SLC35F3: variants seen among roughly 807,000 people sequenced by gnomAD.
The protein encoded by SLC35F3 is solute carrier family 35 member F3.
A neutral mutation model predicts 49.9 loss-of-function variants in SLC35F3; 25 were observed. The ratio of observed to expected loss-of-function variants is 0.50; its 90% CI spans 0.37 to 0.70. SLC35F3 has a LOEUF of 0.70. Ranked by LOEUF, SLC35F3 falls within the 30% of genes least tolerant of loss-of-function variation. The probability of loss-of-function intolerance (pLI) is 0.00; values close to 1 mark genes in which losing one functional copy is unlikely to be tolerated. For missense variants in SLC35F3, 525 were observed against 639.8 expected (o/e 0.82, Z 1.94); for synonymous variants, 275 against 265.4 (o/e 1.04, Z -0.35).
intron 2 of SLC35F3, among the ~76,000 whole-genome samples, chr1:233,971,773 C>G (rs947477774): frequency 6.6e-6 from 1 of 150,916 alleles, no homozygotes; most frequent in Non-Finnish European, 1.5e-5. Flanking sequence ...TTGTGGTCAA[C>G]AATGGGACCA....
chr1:233,991,774 A>T (rs2102827527), intron 2 of SLC35F3, among the ~76,000 whole-genome samples: 1 of 152,272 alleles, frequency 6.6e-6, no homozygotes, highest in East Asian at 1.9e-4. Flanking sequence ...TAGAGGACTA[A>T]GTTTTGCCTC....
intron 2 of SLC35F3, among the ~76,000 whole-genome samples, chr1:234,226,644 TG>T (rs1309036349): frequency 6.6e-6 from 1 of 151,948 alleles, no homozygotes; most frequent in Non-Finnish European, 1.5e-5. Context: ...GGTACCCGAA[TG>T]AGTTGGTAGC....
intron 2 of SLC35F3, among the ~76,000 whole-genome samples, chr1:234,228,365 C>A (rs1158626257): frequency 6.6e-6 from 1 of 152,218 alleles, no homozygotes; most frequent in Non-Finnish European, 1.5e-5. Flanking sequence ...CTGCAGAATT[C>A]CTGTTATATA....
intron 3 of SLC35F3, among the ~76,000 whole-genome samples, chr1:234,247,100 A>G (rs512025): frequency 6.6e-6 from 1 of 152,066 alleles, no homozygotes; most frequent in Admixed American, 6.5e-5. Flanking sequence ...CTTGAGCACC[A>G]GCAATGGTGT....
At chr1:234,015,347 CAAA>C (rs34202675) in intron 2 of SLC35F3, among the ~76,000 whole-genome samples, 2 of 132,338 alleles carry the variant, frequency 1.5e-5, no homozygotes, top group Admixed American at 7.5e-5. Flanking sequence ...GACTCTATAT[CAAA>C]AAAAAAAAAA....
At chr1:234,257,919 C>T (rs936968768) in intron 3 of SLC35F3, among the ~76,000 whole-genome samples, 1 of 152,090 alleles carries the variant, frequency 6.6e-6, no homozygotes, top group African/African-American at 2.4e-5. Context: ...GTATAAATGT[C>T]CAGTGTAGGT....
At chr1:234,321,316 A>T (rs544603431) in intron 7 of SLC35F3, among the ~76,000 whole-genome samples, 18 of 152,284 alleles carry the variant, frequency 1.2e-4, no homozygotes, top group Non-Finnish European at 2.5e-4. Flanking sequence ...TGGTCCCAAC[A>T]TATCTGCTCT....
chr1:234,267,439 T>A (rs1668003704), intron 3 of SLC35F3, among the ~76,000 whole-genome samples: 2 of 142,152 alleles, frequency 1.4e-5, no homozygotes, highest in African/African-American at 5.2e-5. Context: ...GGCTCCTCAC[T>A]TCCCAGTAGG....
chr1:234,011,178 ATTAT>A (rs1458388511), intron 2 of SLC35F3, among the ~76,000 whole-genome samples: 4 of 152,212 alleles, frequency 2.6e-5, no homozygotes, highest in South Asian at 4.1e-4. Flanking sequence ...AAGTAAGATA[ATTAT>A]TTATCAAATT....
intron 2 of SLC35F3, among the ~76,000 whole-genome samples, chr1:233,909,124 T>C (rs1346367869): frequency 6.6e-6 from 1 of 152,208 alleles, no homozygotes. Context: ...CCCAAAGTAA[T>C]GGGATTACAG....
chr1:234,019,329 AACAGGG>A lies in SLC35F3; in HGVS notation c.283+113572_283+113577del, dbSNP rs374046489. ...TTCTCCAGAAAACAGTAACAAAACC[AACAGGG>A]TGTGTATGTGCATGTATATGTGTGT... On this transcript the variant is annotated intron_variant, in intron 2 of 7. Coordinates refer to ENST00000366618, the MANE Select transcript of SLC35F3 (RefSeq NM_173508.4). Among the ~76,000 whole-genome samples, 12 of 152,148 alleles carry A rather than the reference AACAGGG, an allele frequency of 7.9e-5. No homozygotes were observed. In the East Asian group the frequency reaches 2.1e-3, roughly 27 times the overall value.
chr1:233,974,290 T>G (rs1237630561), intron 2 of SLC35F3, among the ~76,000 whole-genome samples: 3 of 145,576 alleles, frequency 2.1e-5, no homozygotes, highest in Non-Finnish European at 4.5e-5. Flanking sequence ...GTTCAAGCAA[T>G]TCTCCTTCCT....
chr1:234,058,560 T>A (rs12741590), intron 2 of SLC35F3, among the ~76,000 whole-genome samples: 19,948 of 152,024 alleles, frequency 0.13, 1,620 homozygotes, highest in Non-Finnish European at 0.18. Context: ...CCCAAGCTGG[T>A]CTCAGAACTT....
intron 3 of SLC35F3, among the ~76,000 whole-genome samples, chr1:234,301,519 A>G (rs1020723141): frequency 2.0e-5 from 3 of 152,214 alleles, no homozygotes; most frequent in African/African-American, 7.2e-5. Flanking sequence ...CAGAATGGCA[A>G]TTATTAAAAA....
chr1:234,318,760 A>G lies in SLC35F3; in HGVS notation c.964A>G (p.Lys322Glu), dbSNP rs182787877. ...SMSALYKVLF[K>E]LLLGSAKFGE... ...CTGCTTTCTCCTACAGGTTTTGTTC[A>G]AGCTCCTCCTGGGCAGTGCTAAGTT... Residue 322 changes from lysine to glutamate, a missense_variant, in exon 6 of 8, where the codon AAG becomes GAG. By Grantham distance (56) the Lys-to-Glu change is moderately conservative. This residue lies in a region of SLC35F3 where 216 missense variants were observed against 298.1 expected (regional missense o/e 0.72). Transcript: ENST00000366618. 1 of 1,613,608 alleles carries G rather than the reference A, an allele frequency of 6.2e-7. No individual in the cohort carries two copies. The highest frequency in any genetic ancestry group is 8.5e-7 in the Non-Finnish European group (1 of 1,179,788).
chr1:234,139,958 A>AT (rs1166089915), intron 2 of SLC35F3, among the ~76,000 whole-genome samples: 4 of 123,216 alleles, frequency 3.2e-5, no homozygotes, highest in Admixed American at 7.9e-5. Flanking sequence ...AAATAATAAA[A>AT]TAAAATAAAA....
At chr1:234,108,752 GAT>G (rs1201323706) in intron 2 of SLC35F3, among the ~76,000 whole-genome samples, 2 of 86,696 alleles carry the variant, frequency 2.3e-5, no homozygotes, top group African/African-American at 4.3e-5. Flanking sequence ...ATATATAAAA[GAT>G]ATATATAAAT....
At chr1:233,959,176 T>G (rs2102809962) in intron 2 of SLC35F3, among the ~76,000 whole-genome samples, 1 of 152,332 alleles carries the variant, frequency 6.6e-6, no homozygotes, top group Admixed American at 6.5e-5. Context: ...CCTAATCACC[T>G]AATTTATTCT....
intron 3 of SLC35F3, among the ~76,000 whole-genome samples, chr1:234,268,060 G>A (rs1433933737): frequency 2.6e-5 from 4 of 151,926 alleles, no homozygotes; most frequent in African/African-American, 7.3e-5. Context: ...GGTGGCGGCC[G>A]GGCAGAGGCT....
Sources: allele counts gnomAD v4.1 joint callset (sites outside exome capture counted in the v4.1 genomes callset), GRCh38; gene constraint gnomAD v4.1.1; regional missense constraint gnomAD v4.1.1; transcripts MANE v1.5; gene names NCBI Gene and HGNC (gene_info 2026-07-23, HGNC 2026-07-21).